ACACA: variants seen among roughly 807,000 people sequenced by gnomAD.
ACACA encodes acetyl-CoA carboxylase 1.
In ACACA, 103 loss-of-function variants were observed where a neutral mutation model predicts 296.1. The observed-to-expected ratio is 0.35, with a 90% CI of 0.30 to 0.41. The LOEUF (loss-of-function observed/expected upper bound fraction) is 0.41. ACACA is among the 10% of genes least tolerant of loss of function. The probability of loss-of-function intolerance (pLI) is 1.00; values close to 1 mark genes in which losing one functional copy is unlikely to be tolerated. For missense variants in ACACA, 1,554 were observed against 2,989.7 expected, an observed-to-expected ratio of 0.52 and a Z score of 11.20; for synonymous variants, 953 against 1,038.6, an observed-to-expected ratio of 0.92 and a Z score of 1.58.
intron 1 of ACACA, among the ~76,000 whole-genome samples, chr17:37,353,400 G>C (rs1204851031): frequency 6.6e-6 from 1 of 151,958 alleles, no homozygotes; most frequent in East Asian, 1.9e-4. Context: ...TAGCACTTTG[G>C]GAGGCCAAGG....
intron 25 of ACACA, among the ~76,000 whole-genome samples, chr17:37,230,112 C>T (rs889929264): frequency 4.1e-5 from 6 of 146,964 alleles, no homozygotes; most frequent in Admixed American, 1.4e-4. Flanking sequence ...AGGCCGGGTG[C>T]GGTGGCTCAC....
chr17:37,368,277 A>T (rs192302665), intron 1 of ACACA, among the ~76,000 whole-genome samples: 1 of 151,932 alleles, frequency 6.6e-6, no homozygotes, highest in African/African-American at 2.4e-5. Flanking sequence ...GTCTCAAAAA[A>T]TAAATAAATA....
chr17:37,363,850 CG>C (rs1402417583), intron 1 of ACACA, among the ~76,000 whole-genome samples: 6 of 151,264 alleles, frequency 4.0e-5, no homozygotes, highest in African/African-American at 1.5e-4. Flanking sequence ...CGGCAGGGCA[CG>C]GTGGCTCATG....
chr17:37,094,123 T>A (rs2142600193), intron 54 of ACACA, among the ~76,000 whole-genome samples: 1 of 152,274 alleles, frequency 6.6e-6, no homozygotes. Flanking sequence ...ATGACCCAAT[T>A]TAAACTACTG....
At chr17:37,343,980 A>G (rs2048500627) in intron 1 of ACACA, among the ~76,000 whole-genome samples, 1 of 152,040 alleles carries the variant, frequency 6.6e-6, no homozygotes, top group Admixed American at 6.6e-5. Context: ...CTGATTATTC[A>G]AAGATAAATA....
intron 45 of ACACA, among the ~76,000 whole-genome samples, chr17:37,147,395 C>T (rs1321260194): frequency 6.6e-6 from 1 of 152,106 alleles, no homozygotes; most frequent in Non-Finnish European, 1.5e-5. Context: ...GACATGCACT[C>T]AGGGTGACTT....
At chr17:37,106,494 T>C (rs533337137) in intron 52 of ACACA, among the ~76,000 whole-genome samples, 11 of 152,326 alleles carry the variant, frequency 7.2e-5, no homozygotes, top group Admixed American at 6.5e-4. Flanking sequence ...CCTGCAACAG[T>C]GTTAGTGCTC....
rs183081095 is a variant in ACACA at position 37,306,704 on chromosome 17, T to A, written c.339-21734A>T. ...TTATGTGTATAAATTTATTATTATT[T>A]TTTTTTTTGCAATGGAGTCTTGCTC... On this transcript the variant is annotated intron_variant, in intron 3 of 55. Coordinates refer to ENST00000616317, the MANE Select transcript of ACACA (RefSeq NM_198834.3). Among the ~76,000 whole-genome samples the A allele has an allele frequency of 1.1e-3, 163 of 152,106 alleles. 1 individual carries two copies. Among genetic ancestry groups the A allele is most frequent in the Admixed American group, 2.7e-3 (41 of 15,260 alleles).
At chr17:37,379,134 C>T in intron 1 of ACACA, 1 of 1,610,058 alleles carries the variant, frequency 6.2e-7, no homozygotes. Context: ...CTTCTCCTTC[C>T]AGAAACTCAC....
chr17:37,262,734 T>C (rs1404422828), intron 11 of ACACA, among the ~76,000 whole-genome samples: 2 of 152,082 alleles, frequency 1.3e-5, no homozygotes, highest in African/African-American at 4.8e-5. Context: ...TTTGCTTATT[T>C]ATTTATTTGT....
chr17:37,142,456 G>A (rs149916843), intron 45 of ACACA, among the ~76,000 whole-genome samples: 19 of 152,302 alleles, frequency 1.2e-4, no homozygotes, highest in African/African-American at 4.3e-4. Context: ...GGGAGGGAGC[G>A]CTTGAAAATT....
intron 3 of ACACA, among the ~76,000 whole-genome samples, chr17:37,314,950 C>CTTTTTTTTTTTT (rs71284913): frequency 1.6e-5 from 1 of 60,826 alleles, no homozygotes; most frequent in Non-Finnish European, 2.7e-5. Context: ...GCCAGGAATG[C>CTTTTTTTTTTTT]TTTTTTTTTT....
In ACACA at chr17:37,086,596, T is replaced by C. The variant is rs1325648248; in HGVS notation, c.*720A>G. ...TGCAGGCGAGAGGCAGGCCAACAAC[T>C]ACCTTTCCCTTTGTCCTCAGAGACT... On this transcript the variant is annotated 3_prime_UTR_variant, in exon 56 of 56. Transcript: ENST00000616317. 1.3e-5 allele frequency: 2 copies of C among 152,774 alleles called. No homozygotes were observed. Among genetic ancestry groups the C allele is most frequent in the African/African-American group, 2.4e-5 (1 of 41,452 alleles). The allele number at this position is 152,774 out of a possible 1,614,324, so 9.5% of individuals were successfully genotyped here.
Position 37,406,674 on chromosome 17 carries a change from C to T in ACACA, c.-375G>A, listed in dbSNP as rs897635404. 5.6e-5 allele frequency: 23 copies of T among 407,820 alleles called. No individual in the cohort carries two copies. The highest frequency in any genetic ancestry group is 4.3e-4 in the African/African-American group (21 of 49,248). 25.3% of individuals were successfully genotyped at this position (407,820 alleles called of 1,614,324 possible). A position where few individuals can be genotyped will look rare whatever the true frequency, so the allele number is the denominator to read the frequency against. On this transcript the variant is annotated 5_prime_UTR_variant, in exon 1 of 56. Transcript: ENST00000616317. ...ACGCGCCACACGGGCAAAGTGATTA[C>T]TGGTCGGATCAAAAGTCAGGCAAGC...
At chr17:37,165,350 G>A (rs533877623) in intron 41 of ACACA, among the ~76,000 whole-genome samples, 1 of 152,268 alleles carries the variant, frequency 6.6e-6, no homozygotes, top group African/African-American at 2.4e-5. Context: ...AACAAACTTA[G>A]ATCCAAATCC....
At chr17:37,112,123 A>C (rs569767755) in intron 51 of ACACA, among the ~76,000 whole-genome samples, 10 of 151,602 alleles carry the variant, frequency 6.6e-5, no homozygotes, top group African/African-American at 1.9e-4. Flanking sequence ...CTTGTAGGAC[A>C]CTGATCAGAC....
At position 37,226,488 on chromosome 17, in the gene ACACA, T is replaced by C. The variant is rs369079506; in HGVS notation, c.3247-36A>G. On this transcript the variant is annotated intron_variant, in intron 25 of 55. Coordinates refer to ENST00000616317, the MANE Select transcript of ACACA (RefSeq NM_198834.3). The stretch of plus-strand genomic sequence containing the variant: ...ATGTAAAAAAGAACATAGATAGTCA[T>C]ATTAAAAAGAACAGGTGGATAGGAT... 27 of 1,532,940 alleles carry C rather than the reference T, an allele frequency of 1.8e-5. 1 individual carries two copies. Among genetic ancestry groups the C allele is most frequent in the Middle Eastern group, 1.7e-4 (1 of 5,910 alleles). The allele number at this position is 1,532,940 out of a possible 1,614,324, so 95.0% of individuals were successfully genotyped here.
chr17:37,121,419 G>C lies in ACACA; in HGVS notation c.6210C>G (p.Phe2070Leu). ...AFKTYQAIKDFNREGLPLMVF... is the reference protein window; with the variant it reads ...AFKTYQAIKDLNREGLPLMVF... ...CCATCAGAGGCAGCCCTTCCCGGTT[G>C]AAGTCCTTGATGGCCTGATACGTCT... is the stretch of plus-strand genomic sequence containing the variant. The change falls in exon 50 of 56, where the codon TTC (phenylalanine) becomes TTG (leucine). Residue 2070 changes from phenylalanine (F) to leucine (L), a missense_variant. Physicochemically the swap from Phe to Leu is conservative, Grantham distance 22 (BLOSUM62 0). Around this residue, in one of 16 missense-constraint regions of ACACA, gnomAD observed 553 missense variants for 1,043.6 expected, o/e 0.53. Coordinates refer to ENST00000616317, the MANE Select transcript of ACACA (RefSeq NM_198834.3). 1 of 1,614,140 alleles carries C rather than the reference G, an allele frequency of 6.2e-7. No individual in the cohort carries two copies. Among genetic ancestry groups the C allele is most frequent in the Non-Finnish European group, 8.5e-7 (1 of 1,180,022 alleles).
chr17:37,212,066 T>C (rs1042552967), intron 29 of ACACA, among the ~76,000 whole-genome samples: 6 of 152,148 alleles, frequency 3.9e-5, no homozygotes, highest in African/African-American at 1.4e-4. Context: ...TAAAGGATGC[T>C]AAAGAAAGGG....
Sources: gnomAD v4.1 joint callset for allele counts (sites outside exome capture counted in the v4.1 genomes callset) on GRCh38, gnomAD v4.1.1 for gene constraint, gnomAD v4.1.1 regional missense constraint, MANE v1.5 for transcripts, NCBI Gene and HGNC (gene_info 2026-07-23, HGNC 2026-07-21) for gene names.